ZNF221: variants seen among roughly 807,000 people sequenced by gnomAD.
The protein encoded by ZNF221 is zinc finger protein 221.
A neutral mutation model predicts 12.6 loss-of-function variants in ZNF221; 10 were observed. The ratio of observed to expected loss-of-function variants is 0.79; its 90% CI spans 0.49 to 1.34. The LOEUF (loss-of-function observed/expected upper bound fraction) is 1.34, where lower values mean the gene tolerates loss of function less well. Among genes scored for constraint, ZNF221 ranks in the 40% most tolerant of loss-of-function variants. The pLI is 0.00. For missense variants in ZNF221, 661 were observed against 721.4 expected (o/e 0.92, Z 0.96); for synonymous variants, 232 against 244.0 (o/e 0.95, Z 0.46).
rs377537548 is a variant in ZNF221, at chr19:43,967,051, C to T, written c.1549C>T (p.Gln517Ter). The T allele has an allele frequency of 8.8e-5, 141 of 1,596,044 alleles. No homozygotes were observed. The South Asian group carries it at 1.3e-3, about 15-fold the overall frequency. Residue 517 changes from glutamine (Q) to a stop codon, truncating the protein, a stop_gained, in exon 5 of 5, where the codon CAG (glutamine) becomes TAG (stop). Transcript: ENST00000587682. LOFTEE classifies it low-confidence loss of function (END_TRUNC). The stretch of plus-strand genomic sequence containing the variant: ...TGAAGAGTGTGGAAAGAGATTTACT[C>T]AGAGTTCACAACTTCATTCCCATCA... ...KCEECGKRFT[Q>*]SSQLHSHQTC...
intron 1 of ZNF221, among the ~76,000 whole-genome samples, chr19:43,955,867 A>G (rs892759462): frequency 2.0e-5 from 3 of 152,226 alleles, no homozygotes; most frequent in African/African-American, 7.2e-5. Flanking sequence ...ACACAGTTCC[A>G]GAGTCAGTCT....
the ZNF221 span, chr19:43,977,085 A>C: frequency 2.0e-5 from 3 of 152,238 alleles, no homozygotes; most frequent in Non-Finnish European, 2.9e-5. Context: ...TGTATGCCTT[A>C]GGGAAATCCT....
At chr19:43,976,711 A>G in the ZNF221 span, 2 of 152,188 alleles carry the variant, frequency 1.3e-5, no homozygotes, top group African/African-American at 4.8e-5. Context: ...ATTTCTTCCC[A>G]TCTCTATGAA....
At chr19:43,980,823 T>C in the ZNF221 span, among the ~76,000 whole-genome samples, 3 of 152,198 alleles carry the variant, frequency 2.0e-5, no homozygotes, top group Admixed American at 2.0e-4. Flanking sequence ...CTATTTTGTG[T>C]GACCTGAAAA....
At chr19:43,957,670 G>A (rs1974778681) in intron 1 of ZNF221, among the ~76,000 whole-genome samples, 1 of 152,032 alleles carries the variant, frequency 6.6e-6, no homozygotes, top group Admixed American at 6.6e-5. Context: ...TGAGTCGTTT[G>A]ACTCTGCCCT....
rs1357268929 is a variant in ZNF221 at position 43,966,778 on chromosome 19, G to A, written c.1276G>A (p.Glu426Lys). The stretch of plus-strand genomic sequence containing the variant: ...TGGACAAAAATCCTTCAAATGTGAA[G>A]AATGTGGGAAGGGATTTTATACAAA... ...HSGQKSFKCE[E>K]CGKGFYTNSR... Residue 426 changes from glutamate (E) to lysine (K), a missense_variant, in exon 5 of 5, where the codon GAA (glutamate) becomes AAA (lysine). Physicochemically the swap from Glu to Lys is moderately conservative, Grantham distance 56. Coordinates refer to ENST00000587682, the MANE Select transcript of ZNF221 (RefSeq NM_001297588.2). 2.5e-6 allele frequency: 4 copies of A among 1,614,232 alleles called. No individual in the cohort carries two copies. The highest frequency in any genetic ancestry group is 3.4e-6 in the Non-Finnish European group (4 of 1,180,034).
rs1425087850 is a variant in ZNF221, at chr19:43,967,142, T to C, written c.1640T>C (p.Phe547Ser). 3 of 1,593,584 alleles carry C rather than the reference T, an allele frequency of 1.9e-6. No individual in the cohort carries two copies. The highest frequency in any genetic ancestry group is 3.4e-5 in the Admixed American group (2 of 58,834). ...EQCEKGYNSK[F>S]NLDMHQRVHG... The stretch of plus-strand genomic sequence containing the variant: ...TGTGAGAAGGGGTACAACAGTAAAT[T>C]TAATCTTGACATGCACCAGAGGGTC... The change falls in exon 5 of 5, where the codon TTT becomes TCT. Residue 547 changes from phenylalanine to serine, a missense_variant. Physicochemically the swap from Phe to Ser is radical, Grantham distance 155. Coordinates refer to ENST00000587682, the MANE Select transcript of ZNF221 (RefSeq NM_001297588.2).
chr19:43,954,052 A>C (rs73038539), intron 1 of ZNF221, among the ~76,000 whole-genome samples: 15,272 of 138,504 alleles, frequency 0.11, 906 homozygotes, highest in East Asian at 0.15. Context: ...ACTGTACTCC[A>C]GCCTGGGCGA....
intron 1 of ZNF221, among the ~76,000 whole-genome samples, chr19:43,962,274 T>C (rs1310278510): frequency 6.6e-6 from 1 of 152,226 alleles, no homozygotes; most frequent in East Asian, 1.9e-4. Context: ...TAATTCAGTT[T>C]AGATCATTTT....
chr19:43,973,721 A>G, the ZNF221 span, among the ~76,000 whole-genome samples: 2 of 152,234 alleles, frequency 1.3e-5, no homozygotes, highest in Non-Finnish European at 2.9e-5. Context: ...TTCAAGGAGA[A>G]CTACAAACCA....
intron 1 of ZNF221, among the ~76,000 whole-genome samples, chr19:43,959,536 A>G (rs1478105689): frequency 6.6e-6 from 1 of 152,212 alleles, no homozygotes; most frequent in African/African-American, 2.4e-5. Context: ...GCTTAGTGCT[A>G]TCCCCTTGGT....
chr19:43,953,253 T>A (rs1470617636), intron 1 of ZNF221, among the ~76,000 whole-genome samples: 4 of 143,112 alleles, frequency 2.8e-5, no homozygotes, highest in Non-Finnish European at 5.9e-5. Context: ...GCCCAGTCAT[T>A]AAGCTTTTTT....
the ZNF221 span, among the ~76,000 whole-genome samples, chr19:43,973,241 A>G: frequency 3.9e-5 from 6 of 152,216 alleles, no homozygotes; most frequent in Non-Finnish European, 7.3e-5. Flanking sequence ...TACTGAAGGA[A>G]CATACCTCAA....
chr19:43,969,309 T>C (rs1975045677), downstream of ZNF221, among the ~76,000 whole-genome samples: 1 of 148,018 alleles, frequency 6.8e-6, no homozygotes, highest in South Asian at 2.1e-4. Flanking sequence ...AACACCTGCT[T>C]TGCCAGATCA....
Position 43,966,032 on chromosome 19 carries a change from A to T in ZNF221, c.530A>T (p.Gln177Leu). 1 of 1,614,268 alleles carries T rather than the reference A, an allele frequency of 6.2e-7. No homozygotes were observed. The highest frequency in any genetic ancestry group is 8.5e-7 in the Non-Finnish European group (1 of 1,180,040). ...CCTTACCGTTGTAATGAATGTAAAC[A>T]GTCCTTCAGTGATGTTTCTGTCTTT... ...QKPYRCNECK[Q>L]SFSDVSVFDL... Residue 177 changes from glutamine (Q) to leucine (L), a missense_variant, in exon 5 of 5, where the codon CAG becomes CTG. By Grantham distance (113) the Gln-to-Leu change is moderately radical. Transcript: ENST00000587682.
chr19:43,969,662 T>C (rs1375493749), downstream of ZNF221, among the ~76,000 whole-genome samples: 1 of 152,204 alleles, frequency 6.6e-6, no homozygotes, highest in East Asian at 1.9e-4. Context: ...ACTGCTTCTT[T>C]AAGCAGGACC....
At chr19:43,972,277 G>A (rs1975113271), downstream of ZNF221, among the ~76,000 whole-genome samples, 1 of 152,090 alleles carries the variant, frequency 6.6e-6, no homozygotes, top group Non-Finnish European at 1.5e-5. Context: ...TGCAGCTAAA[G>A]AAGTGTTAAG....
chr19:43,965,778 C>T (rs1181828123), intron 4 of ZNF221, 26 bp from the exon 5 acceptor site: 1 of 1,541,288 alleles, frequency 6.5e-7, no homozygotes, highest in Non-Finnish European at 8.8e-7. Flanking sequence ...CACTTGCCCA[C>T]ATATATTAAT....
At chr19:43,973,183 T>A in the ZNF221 span, among the ~76,000 whole-genome samples, 336 of 152,254 alleles carry the variant, frequency 2.2e-3, 2 homozygotes, top group African/African-American at 7.2e-3. Context: ...AAAAGGCCTT[T>A]GATAAAATTC....
Sources: gnomAD v4.1 joint callset for allele counts (sites outside exome capture counted in the v4.1 genomes callset) on GRCh38, gnomAD v4.1.1 for gene constraint, MANE v1.5 for transcripts, NCBI Gene and HGNC (gene_info 2026-07-23, HGNC 2026-07-21) for gene names.